Variants in ATG13 observed in about 807,000 individuals in gnomAD.
ATG13 encodes the protein autophagy related 13, also known as autophagy-related protein 13.
Under a neutral mutation model 65.5 loss-of-function variants are expected in ATG13, and 23 were observed. That is an observed-to-expected ratio of 0.35 (90% CI 0.25 to 0.50). The LOEUF (loss-of-function observed/expected upper bound fraction) is 0.50. ATG13 is among the 20% of genes least tolerant of loss of function. The pLI is 0.98. For synonymous variants in ATG13, 252 were observed against 245.2 expected (o/e 1.03, Z -0.26); for missense variants, 566 against 677.0 (o/e 0.84, Z 1.82).
chr11:46,647,878 C>T (rs924792718), intron 5 of ATG13, among the ~76,000 whole-genome samples: 22 of 151,066 alleles, frequency 1.5e-4, no homozygotes, highest in African/African-American at 4.4e-4. Flanking sequence ...CCAAAAGTGC[C>T]GGGATTATAG....
intron 2 of ATG13, among the ~76,000 whole-genome samples, chr11:46,634,407 CTT>C (rs113574145): frequency 4.2e-5 from 6 of 141,660 alleles, no homozygotes; most frequent in Admixed American, 7.1e-5. Context: ...ATTTAGTTTT[CTT>C]TTTTTTTTTT....
chr11:46,654,927 T>C (rs952745470), intron 7 of ATG13, among the ~76,000 whole-genome samples: 2 of 151,788 alleles, frequency 1.3e-5, no homozygotes, highest in South Asian at 2.1e-4. Flanking sequence ...GGCGAAACCC[T>C]GTCTCTACCA....
intron 2 of ATG13, among the ~76,000 whole-genome samples, chr11:46,637,053 G>A (rs952439657): frequency 6.6e-6 from 1 of 152,144 alleles, no homozygotes; most frequent in Non-Finnish European, 1.5e-5. Flanking sequence ...ACAAACTGCA[G>A]ATTAAGGATC....
At chr11:46,629,718 G>T (rs1189533703) in intron 1 of ATG13, among the ~76,000 whole-genome samples, 1 of 151,950 alleles carries the variant, frequency 6.6e-6, no homozygotes, top group African/African-American at 2.4e-5. Context: ...ATCTTAATAA[G>T]CACTTAATAC....
chr11:46,670,562 A>G (rs2063492705), intron 18 of ATG13, among the ~76,000 whole-genome samples: 1 of 151,770 alleles, frequency 6.6e-6, no homozygotes, highest in South Asian at 2.1e-4. Flanking sequence ...TAATCTCAGC[A>G]CTTTGGGAGG....
At chr11:46,625,261 T>C (rs951875409) in intron 1 of ATG13, 48 of 149,166 alleles carry the variant, frequency 3.2e-4, no homozygotes, top group African/African-American at 1.2e-3. Flanking sequence ...TGCTATAGCT[T>C]GCTCTTTCTT....
intron 14 of ATG13, among the ~76,000 whole-genome samples, chr11:46,666,360 T>C (rs1376240997): frequency 6.6e-6 from 1 of 152,216 alleles, no homozygotes; most frequent in Non-Finnish European, 1.5e-5. Context: ...GTGTTGACCA[T>C]GGCCCTGAAG....
At chr11:46,671,666 C>T (rs1242430244) in intron 18 of ATG13, among the ~76,000 whole-genome samples, 5 of 152,162 alleles carry the variant, frequency 3.3e-5, no homozygotes, top group African/African-American at 1.2e-4. Context: ...TGCTTGAACT[C>T]GGGAGGCGGA....
intron 5 of ATG13, among the ~76,000 whole-genome samples, chr11:46,648,574 C>A (rs190946016): frequency 6.6e-6 from 1 of 152,012 alleles, no homozygotes; most frequent in Non-Finnish European, 1.5e-5. Flanking sequence ...GTCAGGAGAT[C>A]CAGATCATCC....
At chr11:46,652,266 T>G (rs2059079411) in intron 7 of ATG13, among the ~76,000 whole-genome samples, 1 of 150,624 alleles carries the variant, frequency 6.6e-6, no homozygotes, top group African/African-American at 2.4e-5. Flanking sequence ...CCAAACAAAC[T>G]AGTGCTGCTC....
intron 1 of ATG13, among the ~76,000 whole-genome samples, chr11:46,626,106 C>T (rs908840448): frequency 3.9e-5 from 6 of 152,142 alleles, no homozygotes; most frequent in African/African-American, 9.7e-5. Flanking sequence ...CAGGTGCCCA[C>T]CACCACGCCC....
intron 11 of ATG13, 103 bp downstream of exon 11, chr11:46,659,588 G>C: frequency 1.1e-6 from 1 of 926,800 alleles, no homozygotes; most frequent in Non-Finnish European, 1.7e-6. Flanking sequence ...AATAGTGGTG[G>C]TGATTGTTTC....
intron 2 of ATG13, among the ~76,000 whole-genome samples, chr11:46,639,095 C>G (rs551984242): frequency 3.7e-4 from 57 of 152,104 alleles, no homozygotes; most frequent in Non-Finnish European, 6.6e-4. Flanking sequence ...TCAAGTGATT[C>G]TCCTGCCTCG....
chr11:46,640,888 A>G (rs2055756670), intron 2 of ATG13, among the ~76,000 whole-genome samples: 1 of 152,214 alleles, frequency 6.6e-6, no homozygotes, highest in Non-Finnish European at 1.5e-5. Flanking sequence ...GAACTGGTAC[A>G]GATACTTTAA....
chr11:46,659,366 T>C, intron 10 of ATG13, 26 bp from the exon 11 acceptor site: 2 of 1,571,636 alleles, frequency 1.3e-6, no homozygotes, highest in Non-Finnish European at 8.8e-7. Flanking sequence ...ACCATAAAAT[T>C]CATTATTTCT....
intron 2 of ATG13, among the ~76,000 whole-genome samples, chr11:46,638,185 C>G (rs997781592): frequency 6.6e-6 from 1 of 151,926 alleles, no homozygotes; most frequent in African/African-American, 2.4e-5. Flanking sequence ...GTCTGTAATC[C>G]CAGAACTTTG....
rs776378249 is a variant in ATG13 at position 46,672,248 on chromosome 11, G to A, written c.1576-7G>A. On this transcript the variant is annotated splice_region_variant and splice_polypyrimidine_tract_variant and intron_variant, in intron 18 of 18. Coordinates refer to ENST00000683050, the MANE Select transcript of ATG13 (RefSeq NM_001346311.2). ...ATAAACGGCTCTTCCCTCTCTTTCC[G>A]GTACAGGACTCATTACCAGAGAAGC... The A allele has an allele frequency of 1.2e-6, 2 of 1,614,090 alleles. No individual in the cohort carries two copies. Among genetic ancestry groups the A allele is most frequent in the Non-Finnish European group, 1.7e-6 (2 of 1,179,966 alleles).
intron 13 of ATG13, 98 bp from the exon 14 acceptor site, chr11:46,665,285 T>C (rs1217696642): frequency 6.9e-7 from 1 of 1,458,944 alleles, no homozygotes; most frequent in Non-Finnish European, 9.3e-7. Context: ...GCGTTGGTGA[T>C]GGAAAAGTCA....
chr11:46,661,881 G>A (rs2061297870), intron 11 of ATG13, among the ~76,000 whole-genome samples: 1 of 152,156 alleles, frequency 6.6e-6, no homozygotes, highest in Non-Finnish European at 1.5e-5. Context: ...TCAAAAGCAG[G>A]AGTTAATGTC....
Sources: allele counts gnomAD v4.1 joint callset (sites outside exome capture counted in the v4.1 genomes callset), GRCh38; gene constraint gnomAD v4.1.1; transcripts MANE v1.5; gene names NCBI Gene and HGNC (gene_info 2026-07-23, HGNC 2026-07-21).